ALG12: variants seen among roughly 807,000 people sequenced by gnomAD.
The protein encoded by ALG12 is dol-P-Man:Man(7)GlcNAc(2)-PP-Dol alpha-1,6-mannosyltransferase.
Under a neutral mutation model 46.0 loss-of-function variants are expected in ALG12, and 36 were observed. The ratio of observed to expected loss-of-function variants is 0.78; its 90% confidence interval spans 0.60 to 1.03. The LOEUF (loss-of-function observed/expected upper bound fraction) is 1.03. Among genes scored for constraint, ALG12 ranks in the 50% least tolerant of loss-of-function variants. ALG12 has a pLI of 0.00. For missense variants in ALG12, 599 were observed against 633.5 expected, an observed-to-expected ratio of 0.95 and a Z score of 0.58; for synonymous variants, 326 against 291.6, an observed-to-expected ratio of 1.12 and a Z score of -1.20.
At chr22:49,889,367 C>T in the ALG12 span, 4 of 167,070 alleles carry the variant, frequency 2.4e-5, no homozygotes, top group Admixed American at 1.3e-4. Context: ...ACCACAGGCC[C>T]ACTGAAAGGG....
the ALG12 span, among the ~76,000 whole-genome samples, chr22:49,876,474 G>C: frequency 6.6e-6 from 1 of 152,120 alleles, no homozygotes; most frequent in Non-Finnish European, 1.5e-5. Flanking sequence ...GCACCTTTGG[G>C]AGAATGCGCT....
chr22:49,895,637 G>A (rs2060480733), downstream of ALG12, among the ~76,000 whole-genome samples: 1 of 149,352 alleles, frequency 6.7e-6, no homozygotes, highest in African/African-American at 2.5e-5. Context: ...GGACAACAGA[G>A]CGAGACTCCA....
At chr22:49,887,170 C>G in the ALG12 span, 3 of 1,609,208 alleles carry the variant, frequency 1.9e-6, no homozygotes, top group Middle Eastern at 1.7e-4. Flanking sequence ...AATATACTTT[C>G]AGTATTGAAA....
chr22:49,913,283 AACAG>A (rs2060589972), intron 3 of ALG12, 98 bp downstream of exon 3: 3 of 1,562,636 alleles, frequency 1.9e-6, no homozygotes, highest in Admixed American at 3.3e-5. Flanking sequence ...AGGCAAGACT[AACAG>A]ACAGCGTTCC....
rs201405631 is a variant in ALG12 at position 49,910,502 on chromosome 22, G to A, written c.401C>T (p.Thr134Met). Residue 134 changes from threonine to methionine, a missense_variant, in exon 4 of 10, where the codon ACG becomes ATG. Transcript: ENST00000330817. ...AMVATMFCWVTAMQFHLMFYC... is the reference protein window; with the variant it reads ...AMVATMFCWVMAMQFHLMFYC... ...GAACATCAGGTGGAACTGCATGGCC[G>A]TCACCCAGCAGAACATGGTGGCCAC... 53 of 1,613,870 alleles carry A rather than the reference G, an allele frequency of 3.3e-5. No homozygotes were observed. The Admixed American group carries it at 4.7e-4, about 14-fold the overall frequency.
the ALG12 span, among the ~76,000 whole-genome samples, chr22:49,870,943 ATTT>A: frequency 3.6e-5 from 5 of 138,120 alleles, no homozygotes; most frequent in Non-Finnish European, 3.1e-5. Flanking sequence ...TAAAAGATAG[ATTT>A]TTTTTTTTTT....
the ALG12 span, chr22:49,885,019 G>A: frequency 1.9e-6 from 3 of 1,613,044 alleles, no homozygotes; most frequent in South Asian, 1.1e-5. Flanking sequence ...GAATAAAAAG[G>A]TCATGAAAAG....
chr22:49,872,340 ACAG>A, the ALG12 span, among the ~76,000 whole-genome samples: 5 of 152,214 alleles, frequency 3.3e-5, no homozygotes, highest in East Asian at 9.6e-4. Context: ...TCCTAAGAGT[ACAG>A]CAATTCCGCC....
At chr22:49,910,706 T>C (rs2060571874) in intron 3 of ALG12, 99 bp from the exon 4 acceptor site, 1 of 1,386,798 alleles carries the variant, frequency 7.2e-7, no homozygotes. Context: ...TATATGGAGT[T>C]TTCTATGCTG....
the ALG12 span, among the ~76,000 whole-genome samples, chr22:49,880,911 T>C: frequency 3.3e-3 from 506 of 152,358 alleles, 2 homozygotes; most frequent in African/African-American, 0.012. Context: ...AGCAGTGTTT[T>C]GCAGCTTTCA....
chr22:49,883,456 C>A, the ALG12 span: 1 of 611,418 alleles, frequency 1.6e-6, no homozygotes, highest in Non-Finnish European at 2.5e-6. Flanking sequence ...TAGCAGGACT[C>A]TTGGAAAGCA....
chr22:49,873,564 G>A, the ALG12 span, among the ~76,000 whole-genome samples: 2 of 152,342 alleles, frequency 1.3e-5, no homozygotes, highest in Admixed American at 6.5e-5. Flanking sequence ...GTGACACACA[G>A]GTGGAGAGCC....
At chr22:49,911,370 G>C (rs1234273997) in intron 3 of ALG12, among the ~76,000 whole-genome samples, 1 of 152,182 alleles carries the variant, frequency 6.6e-6, no homozygotes, top group Non-Finnish European at 1.5e-5. Context: ...GCTGTTCCCA[G>C]AATACCCCAT....
At chr22:49,877,736 G>T in the ALG12 span, among the ~76,000 whole-genome samples, 4 of 152,040 alleles carry the variant, frequency 2.6e-5, no homozygotes, top group Non-Finnish European at 5.9e-5. Flanking sequence ...ATATGGACAT[G>T]CTTGTGTATC....
the ALG12 span, among the ~76,000 whole-genome samples, chr22:49,890,403 C>T: frequency 6.6e-6 from 1 of 152,304 alleles, no homozygotes; most frequent in East Asian, 1.9e-4. Context: ...GTGACACCAG[C>T]CATTTAGTCC....
At chr22:49,888,001 C>G in the ALG12 span, 1 of 167,240 alleles carries the variant, frequency 6.0e-6, no homozygotes, top group Admixed American at 6.5e-5. Flanking sequence ...CGCTCTGAAG[C>G]TGTCTTTCAA....
In ALG12 at chr22:49,903,749, T is replaced by C. The variant is rs768121286; in HGVS notation, c.*89A>G. ...AGTCCTTTGACTTGCTTCTCTGAAT[T>C]GTCATAATTGTGCTGGAATTGTGCC... is the stretch of plus-strand genomic sequence containing the variant. On this transcript the variant is annotated 3_prime_UTR_variant, in exon 10 of 10. Coordinates refer to ENST00000330817, the MANE Select transcript of ALG12 (RefSeq NM_024105.4). 1.3e-5 allele frequency: 19 copies of C among 1,459,288 alleles called. No individual in the cohort carries two copies. In the East Asian group the frequency reaches 1.4e-4, roughly 10 times the overall value. 90.4% of individuals were successfully genotyped at this position (1,459,288 alleles called of 1,614,324 possible). A position where few individuals can be genotyped will look rare whatever the true frequency, so the allele number is the denominator to read the frequency against.
chr22:49,890,785 G>A, the ALG12 span, among the ~76,000 whole-genome samples: 1 of 152,158 alleles, frequency 6.6e-6, no homozygotes, highest in Non-Finnish European at 1.5e-5. Context: ...GGGAGGCTGA[G>A]GTGGGCAGAT....
chr22:49,870,908 G>A, the ALG12 span, among the ~76,000 whole-genome samples: 3 of 151,008 alleles, frequency 2.0e-5, no homozygotes, highest in East Asian at 2.0e-4. Flanking sequence ...CATAATTCAC[G>A]TAGCTACATT....
Sources: gnomAD v4.1 joint callset for allele counts (sites outside exome capture counted in the v4.1 genomes callset) on GRCh38, gnomAD v4.1.1 for gene constraint, MANE v1.5 for transcripts, NCBI Gene and HGNC (gene_info 2026-07-23, HGNC 2026-07-21) for gene names.